Variants in ARHGAP10 observed in about 807,000 individuals in gnomAD.
The protein encoded by ARHGAP10 is Rho GTPase activating protein 10, also known as rho GTPase-activating protein 10.
ARHGAP10 carries 87 observed loss-of-function variants against 108.6 expected under a neutral mutation model. That is an observed-to-expected ratio of 0.80 (90% CI 0.67 to 0.96). The LOEUF is 0.96. Ranked by LOEUF, ARHGAP10 falls within the 40% of genes least tolerant of loss-of-function variation. The pLI is 0.00. For missense variants in ARHGAP10, 939 were observed against 954.5 expected (o/e 0.98, Z 0.21); for synonymous variants, 347 against 341.1 (o/e 1.02, Z -0.19).
chr4:147,743,165 C>T (rs1483774298), intron 1 of ARHGAP10, among the ~76,000 whole-genome samples: 2 of 151,702 alleles, frequency 1.3e-5, no homozygotes, highest in African/African-American at 4.8e-5. Context: ...TCCCGAGTAG[C>T]TGGGATTACA....
intron 3 of ARHGAP10, among the ~76,000 whole-genome samples, chr4:147,837,978 C>T (rs1273429301): frequency 6.6e-6 from 1 of 152,048 alleles, no homozygotes; most frequent in African/African-American, 2.4e-5. Context: ...TGTACATCTG[C>T]TAGATAATCA....
chr4:147,953,555 ATTTC>A (rs1334540226), intron 15 of ARHGAP10, among the ~76,000 whole-genome samples: 5 of 151,910 alleles, frequency 3.3e-5, no homozygotes, highest in African/African-American at 1.2e-4. Context: ...TGCTCATAGT[ATTTC>A]TTTATTTTAT....
At chr4:148,044,840 T>A (rs985785363) in intron 19 of ARHGAP10, among the ~76,000 whole-genome samples, 2 of 152,182 alleles carry the variant, frequency 1.3e-5, no homozygotes, top group Non-Finnish European at 2.9e-5. Context: ...ATCATAGCAG[T>A]GGTCTACCAG....
chr4:148,058,714 G>A (rs1245247527), intron 20 of ARHGAP10, among the ~76,000 whole-genome samples: 1 of 152,202 alleles, frequency 6.6e-6, no homozygotes, highest in African/African-American at 2.4e-5. Flanking sequence ...AGCATGGACT[G>A]CTGATCTGTT....
At chr4:148,069,097 G>T (rs1730035507) in intron 22 of ARHGAP10, among the ~76,000 whole-genome samples, 1 of 152,170 alleles carries the variant, frequency 6.6e-6, no homozygotes, top group Admixed American at 6.5e-5. Flanking sequence ...TGGGGGAGGA[G>T]TGGTGTGATA....
intron 1 of ARHGAP10, among the ~76,000 whole-genome samples, chr4:147,748,240 C>T (rs142298763): frequency 1.9e-4 from 29 of 152,266 alleles, no homozygotes; most frequent in African/African-American, 5.8e-4. Context: ...GTCACTTGCC[C>T]GGCATAGACC....
chr4:147,827,462 C>T (rs1420004576), intron 3 of ARHGAP10, among the ~76,000 whole-genome samples: 2 of 152,030 alleles, frequency 1.3e-5, no homozygotes, highest in East Asian at 3.9e-4. Context: ...GTGGGCAGCC[C>T]CTAAGCTTGT....
At chr4:147,808,471 A>T in intron 1 of ARHGAP10, among the ~76,000 whole-genome samples, 1 of 152,130 alleles carries the variant, frequency 6.6e-6, no homozygotes, top group East Asian at 1.9e-4. Flanking sequence ...TATCCTGAAT[A>T]CAACAGAATG....
intron 18 of ARHGAP10, among the ~76,000 whole-genome samples, chr4:148,002,881 T>A (rs1445019441): frequency 6.6e-6 from 1 of 152,116 alleles, no homozygotes. Flanking sequence ...GATTCATTGA[T>A]TTTTTTGAAG....
chr4:147,969,324 C>G (rs1231281024), intron 18 of ARHGAP10, among the ~76,000 whole-genome samples: 1 of 93,870 alleles, frequency 1.1e-5, no homozygotes, highest in Non-Finnish European at 2.1e-5. Flanking sequence ...TTTGTTTTGC[C>G]TTTTTTTTTT....
At chr4:147,808,042 C>G (rs1331706821) in intron 1 of ARHGAP10, among the ~76,000 whole-genome samples, 1 of 152,172 alleles carries the variant, frequency 6.6e-6, no homozygotes, top group Non-Finnish European at 1.5e-5. Flanking sequence ...TTATTTCTTA[C>G]ATGTCTTTTT....
chr4:147,800,805 A>G (rs540824256), intron 1 of ARHGAP10, among the ~76,000 whole-genome samples: 3 of 152,110 alleles, frequency 2.0e-5, no homozygotes, highest in East Asian at 1.9e-4. Flanking sequence ...CTTGTCATTC[A>G]TTATTTTTTT....
chr4:147,929,321 T>C (rs1185394456), intron 13 of ARHGAP10, among the ~76,000 whole-genome samples: 3 of 152,202 alleles, frequency 2.0e-5, no homozygotes. Context: ...AAATTTATGA[T>C]GGTGAATATG....
Position 147,939,808 on chromosome 4 carries a change from T to A in ARHGAP10, c.1229-17T>A. On this transcript the variant is annotated splice_polypyrimidine_tract_variant and intron_variant, in intron 13 of 22. Coordinates refer to ENST00000336498, the MANE Select transcript of ARHGAP10 (RefSeq NM_024605.4). The stretch of plus-strand genomic sequence containing the variant: ...TGATAGTCTTCTATTTTGCTAATAG[T>A]TTGTTTCTTCCCATAGGTATAAATG... 6.2e-7 allele frequency: 1 copy of A among 1,610,726 alleles called. No homozygotes were observed. The highest frequency in any genetic ancestry group is 1.3e-5 in the African/African-American group (1 of 74,964).
chr4:148,012,532 G>T (rs1741207112), intron 18 of ARHGAP10, among the ~76,000 whole-genome samples: 1 of 152,184 alleles, frequency 6.6e-6, no homozygotes, highest in African/African-American at 2.4e-5. Flanking sequence ...TGTTTGAAAT[G>T]TTTTTAAAAT....
At chr4:147,970,961 C>T (rs761124351) in intron 18 of ARHGAP10, among the ~76,000 whole-genome samples, 1 of 151,916 alleles carries the variant, frequency 6.6e-6, no homozygotes, top group African/African-American at 2.4e-5. Flanking sequence ...GGCGTGGTGG[C>T]GGGCACCTGT....
At chr4:147,809,805 G>A (rs1435496455) in intron 1 of ARHGAP10, among the ~76,000 whole-genome samples, 2 of 152,090 alleles carry the variant, frequency 1.3e-5, no homozygotes, top group Admixed American at 6.6e-5. Context: ...GATCCCTCAC[G>A]TATGCATAGT....
intron 4 of ARHGAP10, among the ~76,000 whole-genome samples, chr4:147,852,118 C>A (rs1369882177): frequency 6.6e-6 from 1 of 152,174 alleles, no homozygotes; most frequent in African/African-American, 2.4e-5. Flanking sequence ...TTATCCCATT[C>A]ATGACTTGCT....
chr4:147,829,416 T>C (rs894500066), intron 3 of ARHGAP10, among the ~76,000 whole-genome samples: 1 of 151,888 alleles, frequency 6.6e-6, no homozygotes, highest in South Asian at 2.1e-4. Flanking sequence ...CTCAAACTCC[T>C]GACCTCGGGT....
Sources: gnomAD v4.1 joint callset for allele counts (sites outside exome capture counted in the v4.1 genomes callset) on GRCh38, gnomAD v4.1.1 for gene constraint, MANE v1.5 for transcripts, NCBI Gene and HGNC (gene_info 2026-07-23, HGNC 2026-07-21) for gene names.